PREX2: variants seen among roughly 807,000 people sequenced by gnomAD.
PREX2 encodes the protein phosphatidylinositol 3,4,5-trisphosphate-dependent Rac exchanger 2 protein.
Under a neutral mutation model 203.2 loss-of-function variants are expected in PREX2, and 107 were observed. The ratio of observed to expected loss-of-function variants is 0.53; its 90% CI spans 0.45 to 0.62. PREX2 has a LOEUF of 0.62. Among genes scored for constraint, PREX2 ranks in the 20% least tolerant of loss-of-function variants. The pLI is 0.00. For synonymous variants in PREX2, 672 were observed against 663.6 expected, an observed-to-expected ratio of 1.01 and a Z score of -0.19; for missense variants, 1,777 against 1,955.9, an observed-to-expected ratio of 0.91 and a Z score of 1.72.
chr8:68,059,548 A>G (rs148694388), intron 10 of PREX2, among the ~76,000 whole-genome samples: 1 of 152,352 alleles, frequency 6.6e-6, no homozygotes, highest in Non-Finnish European at 1.5e-5. Context: ...ACAATGTAGT[A>G]GAACTTTTCT....
intron 37 of PREX2, among the ~76,000 whole-genome samples, chr8:68,199,469 C>A (rs1812461647): frequency 6.6e-6 from 1 of 152,162 alleles, no homozygotes; most frequent in Non-Finnish European, 1.5e-5. Context: ...CTCTACCGAG[C>A]CTTCTCCCAC....
At chr8:68,168,190 C>T (rs151014011) in intron 35 of PREX2, among the ~76,000 whole-genome samples, 32 of 152,292 alleles carry the variant, frequency 2.1e-4, no homozygotes, top group African/African-American at 6.7e-4. Context: ...ATCTTGGTAT[C>T]ACCCATTGTG....
chr8:68,026,683 T>G (rs902648293), intron 4 of PREX2, among the ~76,000 whole-genome samples: 2 of 147,094 alleles, frequency 1.4e-5, no homozygotes, highest in Admixed American at 1.4e-4. Flanking sequence ...CAGTGTCTGG[T>G]GCAGTGTGAT....
At chr8:67,986,549 A>T (rs1486739641) in intron 1 of PREX2, among the ~76,000 whole-genome samples, 1 of 152,226 alleles carries the variant, frequency 6.6e-6, no homozygotes, top group African/African-American at 2.4e-5. Context: ...TTGGCCTCTG[A>T]GTCCTCTGTA....
intron 1 of PREX2, among the ~76,000 whole-genome samples, chr8:68,004,391 C>G (rs975904717): frequency 1.3e-5 from 2 of 152,190 alleles, no homozygotes; most frequent in Non-Finnish European, 2.9e-5. Context: ...ATTATTCTCT[C>G]TCTGCCTTTC....
intron 7 of PREX2, among the ~76,000 whole-genome samples, chr8:68,043,113 T>C (rs1191724738): frequency 6.6e-6 from 1 of 152,140 alleles, no homozygotes; most frequent in Non-Finnish European, 1.5e-5. Context: ...TGCATATTAG[T>C]CTGATCTGCA....
chr8:67,988,832 C>T (rs1806514282), intron 1 of PREX2, among the ~76,000 whole-genome samples: 1 of 152,232 alleles, frequency 6.6e-6, no homozygotes, highest in South Asian at 2.1e-4. Flanking sequence ...TGCCCCACCC[C>T]ATGGACTGTG....
At chr8:68,145,170 C>A (rs981995305) in intron 33 of PREX2, among the ~76,000 whole-genome samples, 1 of 151,992 alleles carries the variant, frequency 6.6e-6, no homozygotes, top group African/African-American at 2.4e-5. Flanking sequence ...AATTTTCAAC[C>A]CTTTGGGTGA....
chr8:68,120,278 G>A lies in PREX2; in HGVS notation c.3587G>A (p.Gly1196Glu). 6.2e-7 allele frequency: 1 copy of A among 1,613,104 alleles called. No individual in the cohort carries two copies. Among genetic ancestry groups the A allele is most frequent in the Non-Finnish European group, 8.5e-7 (1 of 1,179,158 alleles). The change falls in exon 29 of 40, where the codon GGA becomes GAA. Residue 1196 changes from glycine (G) to glutamate (E), a missense_variant. Coordinates refer to ENST00000288368, the MANE Select transcript of PREX2 (RefSeq NM_024870.4). ...DQTKYLTPGR[G>E]LQEFQQEMEP... is the part of the protein sequence containing the mutation. ...ACCAAGTATCTCACTCCAGGCCGAG[G>A]ATTGCAAGGTAAGCCTTGAAAAATT...
chr8:68,098,590 C>A (rs1489259373), intron 22 of PREX2, among the ~76,000 whole-genome samples: 2 of 151,782 alleles, frequency 1.3e-5, no homozygotes, highest in Non-Finnish European at 2.9e-5. Context: ...TCTCATTTTC[C>A]AGCTATTTCA....
At chr8:68,083,970 T>A (rs1191451893) in intron 18 of PREX2, among the ~76,000 whole-genome samples, 1 of 152,174 alleles carries the variant, frequency 6.6e-6, no homozygotes, top group Non-Finnish European at 1.5e-5. Flanking sequence ...ATATCACCCA[T>A]AAATAGCCAT....
intron 32 of PREX2, among the ~76,000 whole-genome samples, chr8:68,136,261 GT>G (rs149012455): frequency 1.3e-5 from 2 of 151,850 alleles, no homozygotes; most frequent in East Asian, 3.9e-4. Context: ...AAGCGGTGTG[GT>G]TTTTTTTCAA....
intron 37 of PREX2, among the ~76,000 whole-genome samples, chr8:68,202,896 C>G (rs1812535175): frequency 6.6e-6 from 1 of 152,142 alleles, no homozygotes; most frequent in African/African-American, 2.4e-5. Context: ...CCAAGGAAGC[C>G]AATGCTGTGA....
intron 37 of PREX2, among the ~76,000 whole-genome samples, chr8:68,207,179 T>C (rs1377280132): frequency 6.6e-6 from 1 of 152,034 alleles, no homozygotes; most frequent in African/African-American, 2.4e-5. Context: ...TCAAACAGAG[T>C]TGTTAACCAG....
rs966608935 is a variant in PREX2, at chr8:68,234,612, A to C, written c.*3234A>C. The C allele has an allele frequency of 4.6e-4, 70 of 152,232 alleles. No homozygotes were observed. The highest frequency in any genetic ancestry group is 3.4e-3 in the Middle Eastern group (1 of 294). 9.4% of individuals were successfully genotyped at this position (152,232 alleles called of 1,614,324 possible). A position where few individuals can be genotyped will look rare whatever the true frequency, so the allele number is the denominator to read the frequency against. ...CTATTTAAAGAGAGAAAATGGGGAG[A>C]TAATTTCTGTGCTAGTTTTACTTAT... On this transcript the variant is annotated 3_prime_UTR_variant, in exon 40 of 40. Transcript: ENST00000288368.
chr8:68,080,351 G>A lies in PREX2; in HGVS notation c.1643-92G>A, dbSNP rs1585767250. The A allele has an allele frequency of 4.6e-6, 5 of 1,096,422 alleles. No individual in the cohort carries two copies. The East Asian group carries it at 7.1e-5, about 16-fold the overall frequency. The allele number at this position is 1,096,422 out of a possible 1,614,324, so 67.9% of individuals were successfully genotyped here. On this transcript the variant is annotated intron_variant, in intron 15 of 39. Coordinates refer to ENST00000288368, the MANE Select transcript of PREX2 (RefSeq NM_024870.4). ...TAGGAGTATAAAGTTGAGGTTATGG[G>A]TGCAGGTATTAATTTGTAAATGTCA...
At chr8:68,051,059 G>C (rs1808514334) in intron 8 of PREX2, among the ~76,000 whole-genome samples, 1 of 152,094 alleles carries the variant, frequency 6.6e-6, no homozygotes, top group Non-Finnish European at 1.5e-5. Context: ...GCTAAGAAGT[G>C]GCCTGTTTGA....
rs748407123 is a variant in PREX2 at position 68,134,076 on chromosome 8, C to T, written c.3784C>T (p.Arg1262Cys). The T allele has an allele frequency of 1.1e-5, 18 of 1,613,758 alleles. No individual in the cohort carries two copies. The highest frequency in any genetic ancestry group is 1.3e-5 in the African/African-American group (1 of 74,934). The change falls in exon 32 of 40, where the codon CGT becomes TGT. Residue 1262 changes from arginine (R) to cysteine (C), a missense_variant. Coordinates refer to ENST00000288368, the MANE Select transcript of PREX2 (RefSeq NM_024870.4). The part of the protein sequence containing the change: ...LEYSDSETQL[R>C]RDMVFCQTLV... ...GATCACAGATAGTGAGACACAGCTC[C>T]GTAGAGACATGGTTTTCTGCCAGAC...
At chr8:68,017,434 A>G (rs1285648827) in intron 1 of PREX2, among the ~76,000 whole-genome samples, 1 of 152,072 alleles carries the variant, frequency 6.6e-6, no homozygotes, top group Non-Finnish European at 1.5e-5. Context: ...TCTTCTATCT[A>G]TTTATCTATC....
Sources: gnomAD v4.1 joint callset for allele counts (sites outside exome capture counted in the v4.1 genomes callset) on GRCh38, gnomAD v4.1.1 for gene constraint, MANE v1.5 for transcripts, NCBI Gene and HGNC (gene_info 2026-07-23, HGNC 2026-07-21) for gene names.